The following BBS12 variants were observed in gnomAD, a reference collection of about 807,000 sequenced individuals.
BBS12 encodes chaperonin-containing T-complex member BBS12.
BBS12 carries 5 observed loss-of-function variants against 5.6 expected under a neutral mutation model. That is an observed-to-expected ratio of 0.89 (90% CI 0.46 to 1.86). BBS12 has a LOEUF of 1.86. Among genes scored for constraint, BBS12 ranks in the 40% most tolerant of loss-of-function variants. The pLI, the probability that BBS12 is intolerant of heterozygous loss-of-function variation, is 0.01. For missense variants in BBS12, 748 were observed against 830.4 expected (o/e 0.90, Z 1.22); for synonymous variants, 308 against 306.8 (o/e 1.00, Z -0.04).
rs761637119 is a variant in BBS12 at position 122,742,427 on chromosome 4, G to A, written c.535G>A (p.Val179Ile). 2 of 1,614,204 alleles carry A rather than the reference G, an allele frequency of 1.2e-6. No individual in the cohort carries two copies. The highest frequency in any genetic ancestry group is 1.7e-6 in the Non-Finnish European group (2 of 1,180,030). ...AGAGGAATTGCATGGTCTCAAAGAT[G>A]TTGCCTCTCAAACACTGACCATTTC... ...LIEELHGLKD[V>I]ASQTLTISNL... Residue 179 changes from valine to isoleucine, a missense_variant, in exon 2 of 2, where the codon GTT (valine) becomes ATT (isoleucine). Transcript: ENST00000314218.
In BBS12 at chr4:122,742,332, T is replaced by C; in HGVS notation, c.440T>C (p.Phe147Ser). ...IFDCMDSTKT[F>S]SQLETFSVSL... The stretch of plus-strand genomic sequence containing the variant: ...GACTGTATGGACAGCACAAAAACAT[T>C]TTCTCAACTTGAAACATTTAGTGTA... The change falls in exon 2 of 2, where the codon TTT becomes TCT. Residue 147 changes from phenylalanine to serine, a missense_variant. Phe to Ser is a radical substitution (Grantham distance 155). Transcript: ENST00000314218. 1 of 1,614,112 alleles carries C rather than the reference T, an allele frequency of 6.2e-7. No homozygotes were observed. The highest frequency in any genetic ancestry group is 8.5e-7 in the Non-Finnish European group (1 of 1,180,010).
chr4:122,733,859 C>CTTTTTTTTTTT (rs35729794), intron 1 of BBS12: 4 of 97,130 alleles, frequency 4.1e-5, no homozygotes, highest in Non-Finnish European at 6.0e-5. Flanking sequence ...TAACTTTAGT[C>CTTTTTTTTTTT]TTTTTTTTTT....
rs1399257163 is a variant in BBS12, at chr4:122,742,800, A to G, written c.908A>G (p.Asn303Ser). The G allele has an allele frequency of 1.2e-6, 2 of 1,614,120 alleles. No individual in the cohort carries two copies. The highest frequency in any genetic ancestry group is 2.7e-5 in the African/African-American group (2 of 74,950). ...CAGAATGCTTGTGTGCAACAAGGCAACTGTACAAAACCATTTATGTTTGAC... is the reference window on the plus strand; with the variant it reads ...CAGAATGCTTGTGTGCAACAAGGCAGCTGTACAAAACCATTTATGTTTGAC... ...QYQNACVQQGNCTKPFMFDIS... is the reference protein window; with the variant it reads ...QYQNACVQQGSCTKPFMFDIS... Residue 303 changes from asparagine (N) to serine (S), a missense_variant, in exon 2 of 2, where the codon AAC (asparagine) becomes AGC (serine). By Grantham distance (46) the Asn-to-Ser change is conservative. Coordinates refer to ENST00000314218, the MANE Select transcript of BBS12 (RefSeq NM_152618.3).
At chr4:122,703,177 A>C in the BBS12 span, among the ~76,000 whole-genome samples, 6 of 150,854 alleles carry the variant, frequency 4.0e-5, no homozygotes, top group Non-Finnish European at 5.9e-5. Flanking sequence ...TGGTTGGTTA[A>C]AGTTTATTGG....
chr4:122,702,072 A>T, the BBS12 span, among the ~76,000 whole-genome samples: 1 of 152,184 alleles, frequency 6.6e-6, no homozygotes, highest in Non-Finnish European at 1.5e-5. Context: ...TGCCTACAAG[A>T]AGAGGAAACA....
chr4:122,715,986 G>A, the BBS12 span, among the ~76,000 whole-genome samples: 1 of 152,084 alleles, frequency 6.6e-6, no homozygotes, highest in East Asian at 1.9e-4. Flanking sequence ...GTATAATTGG[G>A]GTTAGACCAA....
chr4:122,743,586 G>T lies in BBS12; in HGVS notation c.1694G>T (p.Cys565Phe). The T allele has an allele frequency of 6.2e-7, 1 of 1,614,184 alleles. No individual in the cohort carries two copies. The highest frequency in any genetic ancestry group is 8.5e-7 in the Non-Finnish European group (1 of 1,180,024). ...TCTCTGAAAAAAGAAAACCATGCCT[G>T]CTCAGGGTGGCTGCATAATACTTCC... The part of the protein sequence containing the change: ...EQSLKKENHA[C>F]SGWLHNTSSW... Residue 565 changes from cysteine to phenylalanine, a missense_variant, in exon 2 of 2, where the codon TGC becomes TTC. Cys to Phe is a radical substitution (Grantham distance 205). Coordinates refer to ENST00000314218, the MANE Select transcript of BBS12 (RefSeq NM_152618.3).
At position 122,741,961 on chromosome 4, in the gene BBS12, G is replaced by A. The variant is rs138579304; in HGVS notation, c.69G>A (p.Ala23=). 58 of 1,613,412 alleles carry A rather than the reference G, an allele frequency of 3.6e-5. No homozygotes were observed. The highest frequency in any genetic ancestry group is 1.6e-4 in the Middle Eastern group (1 of 6,084). The change falls in exon 2 of 2, where the codon GCG becomes GCA. Residue 23 remains alanine (A), a synonymous_variant. Coordinates refer to ENST00000314218, the MANE Select transcript of BBS12 (RefSeq NM_152618.3). ...HMGLQQLSSF[A]ETGRTFLGPL... ...GACTTCAACAACTTTCATCATTCGC[G>A]GAAACAGGAAGAACTTTCCTAGGCC... is the stretch of plus-strand genomic sequence containing the variant.
At chr4:122,741,821 A>G in intron 1 of BBS12, 62 bp from the exon 2 acceptor site, 1 of 1,409,534 alleles carries the variant, frequency 7.1e-7, no homozygotes, top group Non-Finnish European at 9.9e-7. Context: ...TTTTATTTCT[A>G]TATAGCATTT....
chr4:122,737,634 T>C (rs2150733605), intron 1 of BBS12, among the ~76,000 whole-genome samples: 1 of 152,338 alleles, frequency 6.6e-6, no homozygotes, highest in Admixed American at 6.5e-5. Context: ...CTGGAGCAAC[T>C]GGATATCCAT....
chr4:122,705,560 C>T, the BBS12 span, among the ~76,000 whole-genome samples: 811 of 152,178 alleles, frequency 5.3e-3, 14 homozygotes, highest in African/African-American at 0.019. Context: ...AAATAATTTC[C>T]CCTTGGACTG....
chr4:122,739,983 A>G (rs1800841634), intron 1 of BBS12, among the ~76,000 whole-genome samples: 1 of 152,162 alleles, frequency 6.6e-6, no homozygotes, highest in African/African-American at 2.4e-5. Context: ...AAACATTAAG[A>G]ATGCTGGCTG....
At chr4:122,700,593 C>T in the BBS12 span, among the ~76,000 whole-genome samples, 4 of 152,216 alleles carry the variant, frequency 2.6e-5, no homozygotes, top group African/African-American at 7.2e-5. Flanking sequence ...CTTCACATAA[C>T]TCGTTGTGTG....
chr4:122,729,467 G>T, upstream of BBS12: 1 of 152,336 alleles, frequency 6.6e-6, no homozygotes, highest in East Asian at 1.9e-4. Flanking sequence ...CAGTTATCTT[G>T]AAAGTTTTAT....
chr4:122,733,077 G>A (rs1326945457), intron 1 of BBS12, among the ~76,000 whole-genome samples, 193 bp downstream of exon 1: 1 of 152,114 alleles, frequency 6.6e-6, no homozygotes, highest in Non-Finnish European at 1.5e-5. Flanking sequence ...CTTTCTTTTT[G>A]CCGCTAGACT....
At chr4:122,716,953 T>C in the BBS12 span, among the ~76,000 whole-genome samples, 1 of 152,170 alleles carries the variant, frequency 6.6e-6, no homozygotes, top group African/African-American at 2.4e-5. Flanking sequence ...TTCACTAATT[T>C]ATGTCAAACT....
the BBS12 span, among the ~76,000 whole-genome samples, chr4:122,705,489 T>TA: frequency 2.6e-5 from 4 of 152,220 alleles, no homozygotes; most frequent in East Asian, 5.8e-4. Flanking sequence ...TAAAATCATT[T>TA]ATCTAGTTCA....
chr4:122,725,972 A>G, the BBS12 span, among the ~76,000 whole-genome samples: 15 of 152,090 alleles, frequency 9.9e-5, no homozygotes, highest in South Asian at 2.7e-3. Flanking sequence ...TAAAAATTCT[A>G]AAAGACGACA....
chr4:122,719,268 CAATCAGCACTCTGTAAAATGGACT>C, the BBS12 span, among the ~76,000 whole-genome samples: 3 of 152,054 alleles, frequency 2.0e-5, no homozygotes, highest in Admixed American at 1.3e-4. Flanking sequence ...GTAAATGCAC[CAATCAGCACTCTGTAAAATGGACT>C]AATCAGCACT....
Sources: gnomAD v4.1 joint callset for allele counts (sites outside exome capture counted in the v4.1 genomes callset) on GRCh38, gnomAD v4.1.1 for gene constraint, MANE v1.5 for transcripts, NCBI Gene and HGNC (gene_info 2026-07-23, HGNC 2026-07-21) for gene names.